Variants in BANK1 observed in about 807,000 individuals in gnomAD.
The protein encoded by BANK1 is B-cell scaffold protein with ankyrin repeats.
Under a neutral mutation model 94.5 loss-of-function variants are expected in BANK1, and 95 were observed. The ratio of observed to expected loss-of-function variants is 1.00; its 90% CI spans 0.85 to 1.19. The LOEUF (loss-of-function observed/expected upper bound fraction) is 1.19, where lower values mean the gene tolerates loss of function less well. Among genes scored for constraint, BANK1 ranks in the 50% most tolerant of loss-of-function variants. BANK1 has a pLI of 0.00. For synonymous variants in BANK1, 334 were observed against 308.4 expected (o/e 1.08, Z -0.87); for missense variants, 987 against 932.2 (o/e 1.06, Z -0.77).
At chr4:101,820,770 C>T (rs112214624) in intron 1 of BANK1, among the ~76,000 whole-genome samples, 200 of 152,292 alleles carry the variant, frequency 1.3e-3, no homozygotes, top group Non-Finnish European at 1.6e-3. Context: ...ATAATAGCCT[C>T]CAGCTTCATT....
chr4:101,971,828 T>A (rs1355864733), intron 7 of BANK1, among the ~76,000 whole-genome samples: 1 of 152,140 alleles, frequency 6.6e-6, no homozygotes, highest in Non-Finnish European at 1.5e-5. Context: ...CTATCTGTTC[T>A]GTTCCATTCG....
At chr4:101,856,793 TA>T (rs1727695727) in intron 3 of BANK1, among the ~76,000 whole-genome samples, 1 of 152,190 alleles carries the variant, frequency 6.6e-6, no homozygotes, top group South Asian at 2.1e-4. Flanking sequence ...CTCTTGGATT[TA>T]AATTATTTCA....
chr4:101,877,557 G>A (rs1728536362), intron 5 of BANK1, among the ~76,000 whole-genome samples: 1 of 151,732 alleles, frequency 6.6e-6, no homozygotes, highest in African/African-American at 2.4e-5. Context: ...TGTAGATCCT[G>A]TATTAGTTTT....
At chr4:101,901,443 C>A (rs1040193345) in intron 6 of BANK1, among the ~76,000 whole-genome samples, 3 of 152,084 alleles carry the variant, frequency 2.0e-5, no homozygotes, top group African/African-American at 7.2e-5. Flanking sequence ...ATGTAGTGAA[C>A]CTCAGTTTCA....
At chr4:101,954,194 A>G (rs1162425111) in intron 7 of BANK1, among the ~76,000 whole-genome samples, 1 of 151,672 alleles carries the variant, frequency 6.6e-6, no homozygotes, top group Non-Finnish European at 1.5e-5. Context: ...CAGTCAATGA[A>G]CTCAGCACAT....
intron 7 of BANK1, among the ~76,000 whole-genome samples, chr4:102,013,664 T>A (rs545776593): frequency 9.2e-5 from 14 of 152,144 alleles, no homozygotes; most frequent in African/African-American, 1.7e-4. Flanking sequence ...GGATTTTTTT[T>A]AAATCATAGT....
intron 10 of BANK1, among the ~76,000 whole-genome samples, chr4:102,040,773 G>C (rs1727677327): frequency 6.6e-6 from 1 of 151,940 alleles, no homozygotes; most frequent in Admixed American, 6.6e-5. Flanking sequence ...AGCACCGTTG[G>C]ACCTGGAGTG....
intron 7 of BANK1, among the ~76,000 whole-genome samples, chr4:101,967,890 C>A (rs1324659415): frequency 2.0e-5 from 3 of 152,030 alleles, no homozygotes; most frequent in Admixed American, 2.0e-4. Flanking sequence ...GAATAAGATT[C>A]AACAGCATAA....
intron 7 of BANK1, among the ~76,000 whole-genome samples, chr4:102,018,245 G>A (rs1726780121): frequency 6.6e-6 from 1 of 151,684 alleles, no homozygotes; most frequent in African/African-American, 2.4e-5. Flanking sequence ...CATTTATTTG[G>A]GGTAATACAT....
intron 7 of BANK1, among the ~76,000 whole-genome samples, chr4:102,011,367 C>T (rs750280482): frequency 1.2e-4 from 18 of 152,088 alleles, no homozygotes; most frequent in African/African-American, 4.8e-5. Context: ...CACAAGTGAC[C>T]GAAATCTACC....
intron 5 of BANK1, among the ~76,000 whole-genome samples, chr4:101,871,627 T>C (rs1728291509): frequency 6.6e-6 from 1 of 151,892 alleles, no homozygotes; most frequent in South Asian, 2.1e-4. Flanking sequence ...AAATGGAGAG[T>C]CTGAGGACAT....
intron 7 of BANK1, among the ~76,000 whole-genome samples, chr4:102,018,514 T>G (rs1376055584): frequency 6.6e-6 from 1 of 152,230 alleles, no homozygotes; most frequent in Non-Finnish European, 1.5e-5. Flanking sequence ...CAGGACCAGA[T>G]GTCAAAGCCA....
intron 7 of BANK1, among the ~76,000 whole-genome samples, chr4:101,997,851 A>C (rs970689771): frequency 2.6e-5 from 4 of 151,172 alleles, no homozygotes; most frequent in African/African-American, 9.7e-5. Flanking sequence ...TATTTTGCTA[A>C]TTTTTTAAAA....
At chr4:101,915,354 C>T (rs1177871603) in intron 6 of BANK1, among the ~76,000 whole-genome samples, 1 of 152,098 alleles carries the variant, frequency 6.6e-6, no homozygotes, top group Non-Finnish European at 1.5e-5. Flanking sequence ...CACTATATTG[C>T]TTCTCATGAA....
At chr4:102,059,824 T>G (rs1195151936) in intron 11 of BANK1, among the ~76,000 whole-genome samples, 1 of 152,212 alleles carries the variant, frequency 6.6e-6, no homozygotes, top group Non-Finnish European at 1.5e-5. Context: ...ATATTTATTG[T>G]TAGTATTAAT....
At chr4:101,936,400 T>C (rs148107749) in intron 7 of BANK1, among the ~76,000 whole-genome samples, 23 of 150,274 alleles carry the variant, frequency 1.5e-4, no homozygotes, top group Non-Finnish European at 2.7e-4. Flanking sequence ...TGCATGTATA[T>C]ATGTGCGTAT....
At chr4:101,980,063 A>G (rs1370125953) in intron 7 of BANK1, among the ~76,000 whole-genome samples, 5 of 151,780 alleles carry the variant, frequency 3.3e-5, no homozygotes, top group South Asian at 2.1e-4. Context: ...TTACCACTTT[A>G]TAAGTGGCAA....
intron 5 of BANK1, among the ~76,000 whole-genome samples, chr4:101,890,194 A>T (rs1445415099): frequency 6.6e-6 from 1 of 152,010 alleles, no homozygotes; most frequent in Non-Finnish European, 1.5e-5. Context: ...GATCATTGGG[A>T]TGATGGTGTG....
intron 7 of BANK1, among the ~76,000 whole-genome samples, chr4:101,986,863 A>ATGTGTATATATATGTATATATG: frequency 2.3e-5 from 1 of 44,366 alleles, no homozygotes; most frequent in East Asian, 6.0e-4. Flanking sequence ...ATGTATATAT[A>ATGTGTATATATATGTATATATG]TATGTGTGTA....
Sources: gnomAD v4.1 joint callset for allele counts (sites outside exome capture counted in the v4.1 genomes callset) on GRCh38, gnomAD v4.1.1 for gene constraint, MANE v1.5 for transcripts, NCBI Gene and HGNC (gene_info 2026-07-23, HGNC 2026-07-21) for gene names.